ZNF704: variants seen among roughly 807,000 people sequenced by gnomAD.
ZNF704 encodes glucocorticoid induced gene 1.
Under a neutral mutation model 44.7 loss-of-function variants are expected in ZNF704, and 10 were observed. That is an observed-to-expected ratio of 0.22 (90% CI 0.14 to 0.38). ZNF704 has a LOEUF of 0.38. Among genes scored for constraint, ZNF704 ranks in the 10% least tolerant of loss-of-function variants. The pLI is 1.00. For missense variants in ZNF704, 390 were observed against 545.5 expected, an observed-to-expected ratio of 0.71 and a Z score of 2.84; for synonymous variants, 211 against 207.6, an observed-to-expected ratio of 1.02 and a Z score of -0.14.
intron 7 of ZNF704, among the ~76,000 whole-genome samples, chr8:80,652,607 G>C (rs1817942011): frequency 6.6e-6 from 1 of 152,132 alleles, no homozygotes; most frequent in African/African-American, 2.4e-5. Flanking sequence ...ACCCTCCCAA[G>C]ACTAAACCAG....
chr8:80,853,917 G>C (rs1254927537), intron 1 of ZNF704, among the ~76,000 whole-genome samples: 1 of 152,032 alleles, frequency 6.6e-6, no homozygotes, highest in East Asian at 1.9e-4. Flanking sequence ...GTAAACAAAA[G>C]ACCAAAGCAA....
intron 5 of ZNF704, among the ~76,000 whole-genome samples, chr8:80,666,661 C>T (rs1348042849): frequency 6.6e-6 from 1 of 152,126 alleles, no homozygotes. Flanking sequence ...GCCATTCTAA[C>T]TGGTGTGAGA....
At chr8:80,665,411 T>A (rs1328155120) in intron 5 of ZNF704, among the ~76,000 whole-genome samples, 1 of 151,928 alleles carries the variant, frequency 6.6e-6, no homozygotes, top group Admixed American at 6.6e-5. Flanking sequence ...GAACTTATAG[T>A]GGGAACTTAC....
rs1196597210 is a variant in ZNF704 at position 80,640,555 on chromosome 8, T to G, written c.*811A>C. The G allele has an allele frequency of 1.3e-5, 2 of 152,220 alleles. No homozygotes were observed. The highest frequency in any genetic ancestry group is 4.8e-5 in the African/African-American group (2 of 41,460). 9.4% of individuals were successfully genotyped at this position (152,220 alleles called of 1,614,324 possible). A position where few individuals can be genotyped will look rare whatever the true frequency, so the allele number is the denominator to read the frequency against. On this transcript the variant is annotated 3_prime_UTR_variant, in exon 9 of 9. Coordinates refer to ENST00000327835, the MANE Select transcript of ZNF704 (RefSeq NM_001033723.3). The stretch of plus-strand genomic sequence containing the variant: ...ATGGCTACAGGTGCCAATTCTTGAC[T>G]GAGTTGTGGCAGGTAGAGAGTAGAG...
At chr8:80,881,658 T>C in the ZNF704 span, among the ~76,000 whole-genome samples, 1 of 152,214 alleles carries the variant, frequency 6.6e-6, no homozygotes, top group Non-Finnish European at 1.5e-5. Context: ...CAGGGCGCAG[T>C]GGCTCATGCC....
At chr8:80,738,800 C>T (rs1806708128) in intron 2 of ZNF704, among the ~76,000 whole-genome samples, 1 of 152,146 alleles carries the variant, frequency 6.6e-6, no homozygotes. Flanking sequence ...TCAGCAGATA[C>T]TTATTGGCTG....
At chr8:80,859,270 GA>G (rs1409031106) in intron 1 of ZNF704, among the ~76,000 whole-genome samples, 4 of 152,166 alleles carry the variant, frequency 2.6e-5, no homozygotes, top group Non-Finnish European at 4.4e-5. Flanking sequence ...GTAAAAAGAT[GA>G]AACATGAGAC....
intron 1 of ZNF704, among the ~76,000 whole-genome samples, chr8:80,837,538 T>C (rs966346188): frequency 2.6e-5 from 4 of 152,136 alleles, no homozygotes; most frequent in Admixed American, 1.3e-4. Flanking sequence ...AGGTGAATTG[T>C]TAGGGGCAGA....
chr8:80,661,294 CAG>C (rs2131606543), intron 6 of ZNF704, among the ~76,000 whole-genome samples: 1 of 152,234 alleles, frequency 6.6e-6, no homozygotes, highest in South Asian at 2.1e-4. Flanking sequence ...CAAAAAATAA[CAG>C]ATGCTGGTGA....
At chr8:80,688,610 T>C (rs1818580512) in intron 3 of ZNF704, among the ~76,000 whole-genome samples, 1 of 152,198 alleles carries the variant, frequency 6.6e-6, no homozygotes, top group Non-Finnish European at 1.5e-5. Flanking sequence ...ACAACCTCCA[T>C]TCTCTCTGGC....
intron 2 of ZNF704, among the ~76,000 whole-genome samples, chr8:80,707,948 A>G (rs1818922655): frequency 6.6e-6 from 1 of 152,202 alleles, no homozygotes; most frequent in South Asian, 2.1e-4. Context: ...AAATTTGGGG[A>G]AATGGGTGGA....
chr8:80,807,186 C>A (rs1175997232), intron 2 of ZNF704, among the ~76,000 whole-genome samples: 1 of 152,114 alleles, frequency 6.6e-6, no homozygotes. Flanking sequence ...CAATTCTGAA[C>A]CCTGAAACAT....
At chr8:80,682,898 T>C (rs1818476725) in intron 4 of ZNF704, among the ~76,000 whole-genome samples, 1 of 152,198 alleles carries the variant, frequency 6.6e-6, no homozygotes, top group Admixed American at 6.5e-5. Flanking sequence ...GCTTAAGTCA[T>C]GTAAGTCCTA....
chr8:80,773,561 T>G (rs1267515805), intron 2 of ZNF704, among the ~76,000 whole-genome samples: 1 of 152,218 alleles, frequency 6.6e-6, no homozygotes, highest in Non-Finnish European at 1.5e-5. Context: ...TGCTCTTTCC[T>G]CTTTTCTGAC....
chr8:80,699,008 T>C (rs1312940062), intron 2 of ZNF704, among the ~76,000 whole-genome samples: 2 of 152,194 alleles, frequency 1.3e-5, no homozygotes, highest in African/African-American at 4.8e-5. Flanking sequence ...ATTAAAGTGC[T>C]ATAGTAACAA....
chr8:80,751,530 G>A (rs539776199), intron 2 of ZNF704, among the ~76,000 whole-genome samples: 6 of 152,308 alleles, frequency 3.9e-5, no homozygotes, highest in African/African-American at 1.4e-4. Context: ...GTACATGGAA[G>A]ATAGTATGAG....
At position 80,874,385 on chromosome 8, in the gene ZNF704, AGCCCGCGCGCGCCTCTCCCGGCCGGCTGC is replaced by A. The variant is rs1172998757; in HGVS notation, c.-22+157_-22+185del. Among the ~76,000 whole-genome samples the A allele has an allele frequency of 1.4e-5, 2 of 146,304 alleles. No individual in the cohort carries two copies. Among genetic ancestry groups the A allele is most frequent in the African/African-American group, 4.9e-5 (2 of 40,574 alleles). On this transcript the variant is annotated intron_variant, in intron 1 of 8. Transcript: ENST00000327835. This position sits in a 1 kb window ranked among gnomAD's most constrained non-coding sequence, Gnocchi z 4.4. ...CTGCGCTCCATGCGGCCGGCGGCCG[AGCCCGCGCGCGCCTCTCCCGGCCGGCTGC>A]GCCCGCGCGCTCCGGGCCTACCGCT...
chr8:80,864,241 T>A (rs1320752364), intron 1 of ZNF704, among the ~76,000 whole-genome samples: 1 of 152,208 alleles, frequency 6.6e-6, no homozygotes, highest in African/African-American at 2.4e-5. Context: ...TGACAACTTA[T>A]TTCTTTAATT....
At chr8:80,774,961 G>A (rs1418011700) in intron 2 of ZNF704, among the ~76,000 whole-genome samples, 4 of 152,090 alleles carry the variant, frequency 2.6e-5, no homozygotes, top group East Asian at 1.9e-4. Flanking sequence ...TGGCCCGGGG[G>A]TTTCTAGCCA....
Sources: allele counts gnomAD v4.1 joint callset (sites outside exome capture counted in the v4.1 genomes callset), GRCh38; gene constraint gnomAD v4.1.1; non-coding constraint Gnocchi (gnomAD v3.1); transcripts MANE v1.5; gene names NCBI Gene and HGNC (gene_info 2026-07-23, HGNC 2026-07-21).